The following GPATCH2 variants were observed in gnomAD, a reference collection of about 807,000 sequenced individuals.
GPATCH2 encodes the protein G patch domain-containing protein 2.
A neutral mutation model predicts 58.0 loss-of-function variants in GPATCH2; 51 were observed. The ratio of observed to expected loss-of-function variants is 0.88; its 90% CI spans 0.70 to 1.11. The LOEUF (loss-of-function observed/expected upper bound fraction) is 1.11, where lower values mean the gene tolerates loss of function less well. Among genes scored for constraint, GPATCH2 ranks in the 50% most tolerant of loss-of-function variants. The pLI is 0.00. For missense variants in GPATCH2, 625 were observed against 652.2 expected (o/e 0.96, Z 0.45); for synonymous variants, 222 against 218.5 (o/e 1.02, Z -0.14).
intron 5 of GPATCH2, among the ~76,000 whole-genome samples, chr1:217,536,624 T>G (rs1205755825): frequency 2.0e-5 from 3 of 152,148 alleles, no homozygotes; most frequent in Non-Finnish European, 2.9e-5. Flanking sequence ...AGGTTTTACC[T>G]AGATGGTAAC....
rs1663046242 is a variant in GPATCH2, at chr1:217,514,875, G to A, written c.1113C>T (p.Gly371=). 1 of 1,507,442 alleles carries A rather than the reference G, an allele frequency of 6.6e-7. No homozygotes were observed. Among genetic ancestry groups the A allele is most frequent in the Non-Finnish European group, 9.2e-7 (1 of 1,082,964 alleles). The allele number at this position is 1,507,442 out of a possible 1,614,324, so 93.4% of individuals were successfully genotyped here. ...GTPTSMVPIP[G]PVGNKRMVHF... ...GAACCATTCTCTTGTTACCCACTGG[G>A]CCAGGAATGGGTACCTACAGGGAGA... Residue 371 remains glycine, a synonymous_variant, in exon 6 of 10, where the codon GGC becomes GGT. Coordinates refer to ENST00000366935, the MANE Select transcript of GPATCH2 (RefSeq NM_018040.5).
chr1:217,609,113 A>T lies in GPATCH2; in HGVS notation c.1098+1208T>A, dbSNP rs1373147648. ...TTGTTTTTCATTATTGAAGCTTAAT[A>T]AAAATATCATTTTAATATAACCATT... is the stretch of plus-strand genomic sequence containing the variant. On this transcript the variant is annotated intron_variant, in intron 5 of 9. Coordinates refer to ENST00000366935, the MANE Select transcript of GPATCH2 (RefSeq NM_018040.5). 4 of 842,148 alleles carry T rather than the reference A, an allele frequency of 4.7e-6. No individual in the cohort carries two copies. The African/African-American group carries it at 5.5e-5, about 12-fold the overall frequency. 52.2% of individuals were successfully genotyped at this position (842,148 alleles called of 1,614,324 possible).
In GPATCH2 at chr1:217,453,792, T is replaced by C. The variant is rs186494308; in HGVS notation, c.1278-4455A>G. Among the ~76,000 whole-genome samples the C allele has an allele frequency of 4.6e-5, 7 of 152,112 alleles. No homozygotes were observed. The East Asian group carries it at 1.4e-3, about 29-fold the overall frequency. ...CAGGCAGTGTCAGACGCAATAATAG[T>C]AAAGAGAAGACAAGAGGAACTTGTC... On this transcript the variant is annotated intron_variant, in intron 8 of 9. Transcript: ENST00000366935.
chr1:217,444,302 T>TC (rs1237388376), intron 9 of GPATCH2, among the ~76,000 whole-genome samples: 1 of 152,286 alleles, frequency 6.6e-6, no homozygotes, highest in Non-Finnish European at 1.5e-5. Context: ...TGACTCCCTG[T>TC]CCACGGGGGA....
rs532666200 is a variant in GPATCH2, at chr1:217,512,206, C to T, written c.1166+2616G>A. On this transcript the variant is annotated intron_variant, in intron 6 of 9. Transcript: ENST00000366935. ...GCATGGTGGCCCATGCTTGTAGTCC[C>T]AGCTACCTGTGGAGCTGAGGCCAGG... is the stretch of plus-strand genomic sequence containing the variant. 1.4e-3 allele frequency among the ~76,000 whole-genome samples: 214 copies of T among 152,184 alleles called. 1 individual carries two copies. The highest frequency in any genetic ancestry group is 2.5e-3 in the Non-Finnish European group (168 of 68,010).
intron 2 of GPATCH2, 83 bp from the exon 3 acceptor site, chr1:217,614,285 A>C: frequency 2.6e-6 from 2 of 780,948 alleles, no homozygotes; most frequent in Non-Finnish European, 4.5e-6. Context: ...ATGGCAGCTC[A>C]GAGATGGAAC....
chr1:217,603,062 GA>G (rs1404884038), intron 5 of GPATCH2, among the ~76,000 whole-genome samples: 1 of 151,920 alleles, frequency 6.6e-6, no homozygotes, highest in East Asian at 1.9e-4. Flanking sequence ...TAAGATTAAT[GA>G]AAAAATATAT....
chr1:217,483,585 A>G (rs562262872), intron 8 of GPATCH2, among the ~76,000 whole-genome samples: 6 of 152,360 alleles, frequency 3.9e-5, no homozygotes, highest in African/African-American at 1.4e-4. Context: ...CGTGGAATGC[A>G]TAGTAGGTCT....
At chr1:217,611,118 C>T in intron 3 of GPATCH2, 47 bp from the exon 4 acceptor site, 3 of 1,517,578 alleles carry the variant, frequency 2.0e-6, no homozygotes, top group Non-Finnish European at 2.7e-6. Context: ...TCAGTTTTAT[C>T]ATCCAGTTAC....
intron 5 of GPATCH2, among the ~76,000 whole-genome samples, chr1:217,601,064 T>C (rs189635527): frequency 6.6e-6 from 1 of 152,284 alleles, no homozygotes; most frequent in Admixed American, 6.5e-5. Flanking sequence ...GAAAGCATGG[T>C]ATTTCATGCA....
rs138592937 is a variant in GPATCH2, at chr1:217,537,317, A to G, written c.1099-22428T>C. On this transcript the variant is annotated intron_variant, in intron 5 of 9. Coordinates refer to ENST00000366935, the MANE Select transcript of GPATCH2 (RefSeq NM_018040.5). ...GACAATACAGTCTGTTTCAATTAAT[A>G]AACTTCGTATCTGGGCTACTTAAGA... is the stretch of plus-strand genomic sequence containing the variant. Among the ~76,000 whole-genome samples, 367 of 152,312 alleles carry G rather than the reference A, an allele frequency of 2.4e-3. 2 individuals are homozygous for G. Among genetic ancestry groups the G allele is most frequent in the African/African-American group, 7.7e-3 (319 of 41,580 alleles).
intron 9 of GPATCH2, 112 bp downstream of exon 9, chr1:217,449,137 T>C (rs973310820): frequency 2.9e-6 from 2 of 690,224 alleles, no homozygotes; most frequent in African/African-American, 3.6e-5. Context: ...TCATAGTTTC[T>C]TGCAACTGTG....
intron 8 of GPATCH2, among the ~76,000 whole-genome samples, chr1:217,458,981 T>C (rs761712685): frequency 6.6e-5 from 10 of 152,188 alleles, no homozygotes; most frequent in Non-Finnish European, 1.3e-4. Context: ...GAACCATGTC[T>C]AATTCCCAGA....
chr1:217,575,208 A>G (rs1161865692), intron 5 of GPATCH2, among the ~76,000 whole-genome samples: 1 of 152,182 alleles, frequency 6.6e-6, no homozygotes, highest in Non-Finnish European at 1.5e-5. Context: ...CTCAAAGCTG[A>G]CCTATGGTTT....
intron 5 of GPATCH2, among the ~76,000 whole-genome samples, chr1:217,540,230 G>A (rs984987769): frequency 2.6e-5 from 4 of 152,162 alleles, no homozygotes; most frequent in African/African-American, 9.6e-5. Context: ...GGAAAGGAAG[G>A]AGGGAGGGAG....
At chr1:217,470,625 T>A (rs1460528841) in intron 8 of GPATCH2, among the ~76,000 whole-genome samples, 1 of 152,182 alleles carries the variant, frequency 6.6e-6, no homozygotes, top group Admixed American at 6.5e-5. Context: ...AATTTCAGGA[T>A]GCCAAAAGGA....
intron 6 of GPATCH2, among the ~76,000 whole-genome samples, chr1:217,513,934 C>G (rs1662985380): frequency 6.6e-6 from 1 of 151,546 alleles, no homozygotes; most frequent in African/African-American, 2.4e-5. Context: ...TAGTGAGTCT[C>G]CCGTCTCAGC....
chr1:217,488,020 G>T (rs772744321), intron 8 of GPATCH2, among the ~76,000 whole-genome samples: 1 of 151,484 alleles, frequency 6.6e-6, no homozygotes, highest in South Asian at 2.1e-4. Flanking sequence ...GATTACAGGC[G>T]TGAGCCACCG....
chr1:217,630,927 G>T lies in GPATCH2; in HGVS notation c.45C>A (p.Ala15=). The part of the protein sequence containing the change: ...AGRQPIGAPA[A]GNSWHFSRTM... ...GCCGCCAGCCTCACCAGCTGTTCCC[G>T]GCTGCTGGAGCTCCGATCGGTTGGC... The change falls in exon 1 of 10, where the codon GCC becomes GCA. Residue 15 remains alanine, a synonymous_variant. Coordinates refer to ENST00000366935, the MANE Select transcript of GPATCH2 (RefSeq NM_018040.5). 3 of 1,589,506 alleles carry T rather than the reference G, an allele frequency of 1.9e-6. No homozygotes were observed. The highest frequency in any genetic ancestry group is 1.7e-6 in the Non-Finnish European group (2 of 1,173,022).
Sources: allele counts gnomAD v4.1 joint callset (sites outside exome capture counted in the v4.1 genomes callset), GRCh38; gene constraint gnomAD v4.1.1; transcripts MANE v1.5; gene names NCBI Gene and HGNC (gene_info 2026-07-23, HGNC 2026-07-21).